The following FMNL2 variants were observed in gnomAD, a reference collection of about 807,000 sequenced individuals.
FMNL2 encodes the protein formin like 2.
A neutral mutation model predicts 130.2 loss-of-function variants in FMNL2; 51 were observed. The ratio of observed to expected loss-of-function variants is 0.39; its 90% CI spans 0.31 to 0.49. The LOEUF (loss-of-function observed/expected upper bound fraction) is 0.49. Ranked by LOEUF, FMNL2 falls within the 20% of genes least tolerant of loss-of-function variation. The probability of loss-of-function intolerance (pLI) is 0.85; values close to 1 mark genes in which losing one functional copy is unlikely to be tolerated. For missense variants in FMNL2, 977 were observed against 1,316.2 expected (o/e 0.74, Z 3.99); for synonymous variants, 465 against 467.1 (o/e 1.00, Z 0.06).
intron 25 of FMNL2, among the ~76,000 whole-genome samples, chr2:152,646,756 CA>C (rs1161836014): frequency 5.3e-5 from 8 of 152,100 alleles, no homozygotes; most frequent in East Asian, 1.9e-4. Context: ...CAGAAGTCAA[CA>C]ATACTAAGTT....
Position 152,626,670 on chromosome 2 carries a change from C to G in FMNL2, c.2108C>G (p.Ala703Gly). Reference protein sequence around the residue: ...LLEANRAKNLAITLRKAGKTA... With the variant: ...LLEANRAKNLGITLRKAGKTA... ...GAAGCAAACAGGGCCAAAAATCTTG[C>G]CATAACTTTAAGGAAAGCTGGAAAG... Residue 703 changes from alanine (A) to glycine (G), a missense_variant, in exon 17 of 26, where the codon GCC (alanine) becomes GGC (glycine). Physicochemically the swap from Ala to Gly is moderately conservative, Grantham distance 60. Around this residue, in one of 4 missense-constraint regions of FMNL2, gnomAD observed 689 missense variants for 995.9 expected, o/e 0.69. Coordinates refer to ENST00000288670, the MANE Select transcript of FMNL2 (RefSeq NM_052905.4). The G allele has an allele frequency of 6.2e-7, 1 of 1,612,898 alleles. No individual in the cohort carries two copies. The highest frequency in any genetic ancestry group is 8.5e-7 in the Non-Finnish European group (1 of 1,179,520).
At chr2:152,394,010 G>A (rs1010259836) in intron 1 of FMNL2, among the ~76,000 whole-genome samples, 5 of 152,140 alleles carry the variant, frequency 3.3e-5, no homozygotes, top group African/African-American at 1.2e-4. Flanking sequence ...ACAGGCGGTG[G>A]GCTGGATTTG....
At chr2:152,559,572 TG>T (rs1416567350) in intron 5 of FMNL2, among the ~76,000 whole-genome samples, 1 of 152,166 alleles carries the variant, frequency 6.6e-6, no homozygotes, top group Non-Finnish European at 1.5e-5. Context: ...CCCAAAGTGT[TG>T]GGATTTCAGG....
chr2:152,534,985 G>C (rs1178868311), intron 2 of FMNL2, among the ~76,000 whole-genome samples: 6 of 152,146 alleles, frequency 3.9e-5, no homozygotes, highest in Admixed American at 3.9e-4. Context: ...GCTGTGGAAT[G>C]AATCTGTCGT....
intron 1 of FMNL2, among the ~76,000 whole-genome samples, chr2:152,423,660 C>T (rs557754909): frequency 2.0e-5 from 3 of 152,206 alleles, no homozygotes; most frequent in African/African-American, 7.2e-5. Flanking sequence ...GTCCATTTAC[C>T]CTCCTCTTCT....
At chr2:152,583,674 G>A (rs1434014581) in intron 9 of FMNL2, among the ~76,000 whole-genome samples, 1 of 152,122 alleles carries the variant, frequency 6.6e-6, no homozygotes, top group Non-Finnish European at 1.5e-5. Flanking sequence ...ATAGAATAAG[G>A]TCCTAGGAGA....
rs537065361 is a variant in FMNL2, at chr2:152,385,023, T to G, written c.117+49303T>G. Reference sequence around the variant, plus strand: ...TTAGCAAGAAACTCCGAGGCCATGCTCCCTATCTTTGTCTAACTCCTTGGT... The same window carrying G: ...TTAGCAAGAAACTCCGAGGCCATGCGCCCTATCTTTGTCTAACTCCTTGGT... On this transcript the variant is annotated intron_variant, in intron 1 of 25. Coordinates refer to ENST00000288670, the MANE Select transcript of FMNL2 (RefSeq NM_052905.4). Among the ~76,000 whole-genome samples, 3 of 152,338 alleles carry G rather than the reference T, an allele frequency of 2.0e-5. No individual in the cohort carries two copies. In the East Asian group the frequency reaches 5.8e-4, roughly 29 times the overall value.
chr2:152,337,029 G>C (rs1224597105), intron 1 of FMNL2, among the ~76,000 whole-genome samples: 1 of 152,182 alleles, frequency 6.6e-6, no homozygotes, highest in Non-Finnish European at 1.5e-5. Context: ...GTTTGGTATG[G>C]GAAGTGATGT....
intron 1 of FMNL2, among the ~76,000 whole-genome samples, chr2:152,403,753 T>A (rs1208198390): frequency 6.6e-6 from 1 of 152,160 alleles, no homozygotes; most frequent in Non-Finnish European, 1.5e-5. Context: ...TCTAAAATGA[T>A]CTTTAGCTAA....
At chr2:152,550,319 A>C (rs535739812) in intron 4 of FMNL2, among the ~76,000 whole-genome samples, 2 of 152,350 alleles carry the variant, frequency 1.3e-5, no homozygotes, top group Admixed American at 1.3e-4. Context: ...GCATTTCTTA[A>C]ATGATAACCA....
chr2:152,641,074 T>C (rs1216821330), intron 25 of FMNL2, among the ~76,000 whole-genome samples, 160 bp downstream of exon 25: 1 of 152,228 alleles, frequency 6.6e-6, no homozygotes, highest in Non-Finnish European at 1.5e-5. Context: ...GAAGTCCATT[T>C]ACAGCAGCAT....
At chr2:152,581,584 C>T (rs777764952) in intron 9 of FMNL2, among the ~76,000 whole-genome samples, 6 of 152,206 alleles carry the variant, frequency 3.9e-5, no homozygotes, top group Non-Finnish European at 7.3e-5. Flanking sequence ...TACACAAAGA[C>T]AATATGACGC....
chr2:152,574,913 A>C (rs1219029178), intron 6 of FMNL2, among the ~76,000 whole-genome samples: 1 of 152,172 alleles, frequency 6.6e-6, no homozygotes, highest in Non-Finnish European at 1.5e-5. Flanking sequence ...GAGACCTCCA[A>C]AAAGTGTGTT....
chr2:152,380,589 C>T lies in FMNL2; in HGVS notation c.117+44869C>T, dbSNP rs190726500. The stretch of plus-strand genomic sequence containing the variant: ...CCTCTGCACCTTGGCTCAGGTTTTC[C>T]CCTTTAGCTAGAATGCCCTTTTTCC... On this transcript the variant is annotated intron_variant, in intron 1 of 25. Transcript: ENST00000288670. Among the ~76,000 whole-genome samples, 6 of 152,340 alleles carry T rather than the reference C, an allele frequency of 3.9e-5. No individual in the cohort carries two copies. The East Asian group carries it at 1.2e-3, about 29-fold the overall frequency.
At chr2:152,360,301 C>G (rs1414211122) in intron 1 of FMNL2, among the ~76,000 whole-genome samples, 1 of 151,544 alleles carries the variant, frequency 6.6e-6, no homozygotes, top group Non-Finnish European at 1.5e-5. Context: ...TTCTTTTTTC[C>G]TCTCTTTTTC....
intron 1 of FMNL2, among the ~76,000 whole-genome samples, chr2:152,346,615 T>C (rs1682137899): frequency 6.6e-6 from 1 of 151,956 alleles, no homozygotes; most frequent in African/African-American, 2.4e-5. Flanking sequence ...GCTGTAATCA[T>C]GCCACTGTAC....
intron 1 of FMNL2, among the ~76,000 whole-genome samples, chr2:152,367,759 T>A (rs1211880600): frequency 1.3e-5 from 2 of 152,216 alleles, no homozygotes; most frequent in Non-Finnish European, 2.9e-5. Flanking sequence ...ATTTTCATCT[T>A]TAAGCTAATT....
At chr2:152,481,950 T>A (rs1261410970) in intron 1 of FMNL2, among the ~76,000 whole-genome samples, 1 of 152,208 alleles carries the variant, frequency 6.6e-6, no homozygotes, top group Admixed American at 6.5e-5. Context: ...TAAATCACAC[T>A]GCCTCAGTCA....
intron 8 of FMNL2, among the ~76,000 whole-genome samples, chr2:152,580,217 G>GA (rs1237696095): frequency 6.6e-6 from 1 of 151,870 alleles, no homozygotes; most frequent in East Asian, 1.9e-4. Context: ...TGTTATTCCA[G>GA]AAAAAAAATG....
Sources: gnomAD v4.1 joint callset for allele counts (sites outside exome capture counted in the v4.1 genomes callset) on GRCh38, gnomAD v4.1.1 for gene constraint, gnomAD v4.1.1 regional missense constraint, MANE v1.5 for transcripts, NCBI Gene and HGNC (gene_info 2026-07-23, HGNC 2026-07-21) for gene names.